REL: variants seen among roughly 807,000 people sequenced by gnomAD.
The protein encoded by REL is REL proto-oncogene, NF-kB subunit.
Under a neutral mutation model 45.9 loss-of-function variants are expected in REL, and 15 were observed. The ratio of observed to expected loss-of-function variants is 0.33; its 90% CI spans 0.22 to 0.50. REL has a LOEUF of 0.50. Ranked by LOEUF, REL falls within the 20% of genes least tolerant of loss-of-function variation. REL has a pLI of 0.98. For missense variants in REL, 601 were observed against 715.2 expected (o/e 0.84, Z 1.82); for synonymous variants, 239 against 242.1 (o/e 0.99, Z 0.12).
intron 1 of REL, among the ~76,000 whole-genome samples, chr2:60,886,913 A>C (rs1673085783): frequency 6.6e-6 from 1 of 152,190 alleles, no homozygotes; most frequent in Non-Finnish European, 1.5e-5. Context: ...AATACTATTC[A>C]GAATATAGGG....
intron 3 of REL, 156 bp from the exon 4 acceptor site, chr2:60,900,836 C>A: frequency 1.5e-6 from 1 of 661,600 alleles, no homozygotes; most frequent in South Asian, 2.0e-5. Flanking sequence ...AATCCCACTT[C>A]TTACTCTCTC....
rs975764934 is a variant in REL, at chr2:60,881,831, G to A, written c.-10G>A. ...GGAGCTGCCTGCGGGAAGGTGCGGGGAGCGGAGCCATGGCCTCCGGTGAGT... is the reference window on the plus strand; with the variant it reads ...GGAGCTGCCTGCGGGAAGGTGCGGGAAGCGGAGCCATGGCCTCCGGTGAGT... On this transcript the variant is annotated 5_prime_UTR_variant, in exon 1 of 10. Coordinates refer to ENST00000394479, the MANE Select transcript of REL (RefSeq NM_001291746.2). The A allele has an allele frequency of 5.9e-6, 9 of 1,521,504 alleles. No individual in the cohort carries two copies. The highest frequency in any genetic ancestry group is 7.0e-6 in the Non-Finnish European group (8 of 1,135,772). The allele number at this position is 1,521,504 out of a possible 1,614,324, so 94.3% of individuals were successfully genotyped here.
chr2:60,919,802 C>A (rs1234242672), intron 7 of REL, among the ~76,000 whole-genome samples: 3 of 151,892 alleles, frequency 2.0e-5, no homozygotes, highest in East Asian at 1.9e-4. Flanking sequence ...CTCAAGTGAT[C>A]CACCTGCCTC....
Position 60,918,667 on chromosome 2 carries a change from T to A in REL, c.853+61T>A, listed in dbSNP as rs1573344478. On this transcript the variant is annotated intron_variant, in intron 7 of 9. Coordinates refer to ENST00000394479, the MANE Select transcript of REL (RefSeq NM_001291746.2). ...TTGAAGTGGTCCTGCTAATAACATC[T>A]TCTTGTAATATTCATTTGAGTACAG... 3.6e-5 allele frequency: 40 copies of A among 1,104,700 alleles called. No homozygotes were observed. In the East Asian group the frequency reaches 9.5e-4, roughly 26 times the overall value. The allele number at this position is 1,104,700 out of a possible 1,614,324, so 68.4% of individuals were successfully genotyped here.
At chr2:60,920,786 A>G in intron 9 of REL, 144 bp downstream of exon 9, 2 of 551,082 alleles carry the variant, frequency 3.6e-6, no homozygotes, top group South Asian at 2.6e-5. Flanking sequence ...TATAGAATGA[A>G]TTAAGCATGG....
chr2:60,898,589 T>C (rs574331912), intron 3 of REL, among the ~76,000 whole-genome samples: 9 of 152,220 alleles, frequency 5.9e-5, no homozygotes, highest in Non-Finnish European at 1.0e-4. Flanking sequence ...ATTTAATGTA[T>C]ATCCACTTGA....
intron 8 of REL, 192 bp from the exon 9 acceptor site, chr2:60,920,382 G>A: frequency 1.6e-6 from 1 of 635,908 alleles, no homozygotes; most frequent in East Asian, 2.8e-5. Context: ...TGTATTTTTA[G>A]TAGAAACAGG....
chr2:60,910,484 A>G (rs1198584004), intron 4 of REL, among the ~76,000 whole-genome samples: 2 of 112 alleles, frequency 0.018, no homozygotes, highest in African/African-American at 0.034. Context: ...ACAAAAAACA[A>G]AAAAAAAAAA....
chr2:60,885,207 C>T (rs1256157739), intron 1 of REL, among the ~76,000 whole-genome samples: 1 of 152,164 alleles, frequency 6.6e-6, no homozygotes, highest in Non-Finnish European at 1.5e-5. Context: ...AACTTTCTCT[C>T]ATATGGGTTC....
intron 8 of REL, 87 bp from the exon 9 acceptor site, chr2:60,920,487 C>A (rs936215146): frequency 4.9e-6 from 5 of 1,017,448 alleles, no homozygotes; most frequent in Non-Finnish European, 7.7e-6. Context: ...AGGTGGGAGC[C>A]ACCACGCCCG....
intron 1 of REL, among the ~76,000 whole-genome samples, 171 bp downstream of exon 1, chr2:60,882,021 G>T (rs567487089): frequency 5.3e-5 from 8 of 152,336 alleles, no homozygotes; most frequent in Non-Finnish European, 1.2e-4. Context: ...CAGGGTTTGC[G>T]TGCAGAATCC....
At chr2:60,885,174 G>A (rs1673040671) in intron 1 of REL, among the ~76,000 whole-genome samples, 1 of 152,218 alleles carries the variant, frequency 6.6e-6, no homozygotes, top group South Asian at 2.1e-4. Flanking sequence ...CAATTTAAGG[G>A]ACTCAGAATT....
At position 60,926,526 on chromosome 2, in the gene REL, C is replaced by A. The variant is rs1674271651; in HGVS notation, c.*3991C>A. ...GGGTTTTCTGTGGTAGTCAAGATTC[C>A]TCCCTGAGATTTATTTCCCATGAGT... On this transcript the variant is annotated 3_prime_UTR_variant, in exon 10 of 10. Transcript: ENST00000394479. 2 of 231,920 alleles carry A rather than the reference C, an allele frequency of 8.6e-6. No homozygotes were observed. The highest frequency in any genetic ancestry group is 1.2e-4 in the East Asian group (2 of 16,578). 14.4% of individuals were successfully genotyped at this position (231,920 alleles called of 1,614,324 possible).
chr2:60,907,635 AAAAC>A (rs1020215069), intron 4 of REL, among the ~76,000 whole-genome samples: 1 of 152,296 alleles, frequency 6.6e-6, no homozygotes, highest in Non-Finnish European at 1.5e-5. Flanking sequence ...CCGTATCAAA[AAAAC>A]AAACAAACTA....
At chr2:60,911,448 T>TA (rs1476016439) in intron 4 of REL, 2 of 151,994 alleles carry the variant, frequency 1.3e-5, no homozygotes, top group Admixed American at 6.6e-5. Context: ...GGAGACTGAA[T>TA]AAAAAATAAA....
At chr2:60,900,899 C>T (rs988526108) in intron 3 of REL, 93 bp from the exon 4 acceptor site, 1 of 1,034,636 alleles carries the variant, frequency 9.7e-7, no homozygotes, top group Non-Finnish European at 1.4e-6. Context: ...GTACAACTGA[C>T]AGCATGATAA....
chr2:60,898,082 C>G (rs1008834260), intron 3 of REL, among the ~76,000 whole-genome samples: 1 of 152,188 alleles, frequency 6.6e-6, no homozygotes, highest in African/African-American at 2.4e-5. Context: ...AATCTATCCA[C>G]TTCACTCAGT....
In REL at chr2:60,923,899, T is replaced by A. The variant is rs550875026; in HGVS notation, c.*1364T>A. The A allele has an allele frequency of 4.3e-6, 1 of 232,922 alleles. No individual in the cohort carries two copies. Among genetic ancestry groups the A allele is most frequent in the East Asian group, 6.0e-5 (1 of 16,532 alleles). The allele number at this position is 232,922 out of a possible 1,614,324, so 14.4% of individuals were successfully genotyped here. ...CCATTCATCTGCTCAAAACCATTCA[T>A]TGGCTTCTCATCTCACTCAGAGCAG... On this transcript the variant is annotated 3_prime_UTR_variant, in exon 10 of 10. Coordinates refer to ENST00000394479, the MANE Select transcript of REL (RefSeq NM_001291746.2).
At chr2:60,907,829 T>G (rs1673704292) in intron 4 of REL, among the ~76,000 whole-genome samples, 1 of 151,754 alleles carries the variant, frequency 6.6e-6, no homozygotes, top group African/African-American at 2.4e-5. Context: ...TAGCTAGGAC[T>G]ACAGGTGCCC....
Sources: gnomAD v4.1 joint callset for allele counts (sites outside exome capture counted in the v4.1 genomes callset) on GRCh38, gnomAD v4.1.1 for gene constraint, MANE v1.5 for transcripts, NCBI Gene and HGNC (gene_info 2026-07-23, HGNC 2026-07-21) for gene names.